CDH13: variants seen among roughly 807,000 people sequenced by gnomAD.
The protein encoded by CDH13 is cadherin-13.
A neutral mutation model predicts 63.8 loss-of-function variants in CDH13; 24 were observed. The ratio of observed to expected loss-of-function variants is 0.38; its 90% CI spans 0.27 to 0.53. The LOEUF (loss-of-function observed/expected upper bound fraction) is 0.53. Among genes scored for constraint, CDH13 ranks in the 20% least tolerant of loss-of-function variants. CDH13 has a pLI of 0.85. For missense variants in CDH13, 1,049 were observed against 903.1 expected (o/e 1.16, Z -2.07); for synonymous variants, 503 against 355.3 (o/e 1.42, Z -4.67).
chr16:82,940,944 G>A (rs368582236), intron 2 of CDH13, among the ~76,000 whole-genome samples: 1 of 152,184 alleles, frequency 6.6e-6, no homozygotes, highest in South Asian at 2.1e-4. Context: ...TTGAATCACT[G>A]TATGCTGTAG....
At chr16:82,660,998 T>C (rs8048610) in intron 1 of CDH13, among the ~76,000 whole-genome samples, 31,560 of 152,054 alleles carry the variant, frequency 0.21, 3,363 homozygotes, top group East Asian at 0.26. Context: ...ACCCACCACC[T>C]TCTCCCCTCC....
intron 2 of CDH13, among the ~76,000 whole-genome samples, chr16:83,015,986 A>T (rs986939632): frequency 1.3e-5 from 2 of 151,900 alleles, no homozygotes; most frequent in Admixed American, 1.3e-4. Flanking sequence ...CTTCTTAAGG[A>T]AATATGTGAG....
chr16:83,076,614 T>TTA (rs2032860784), intron 3 of CDH13, among the ~76,000 whole-genome samples: 1 of 151,882 alleles, frequency 6.6e-6, no homozygotes, highest in Admixed American at 6.6e-5. Flanking sequence ...TATACTTGCT[T>TTA]TATATATATA....
chr16:83,751,599 G>A lies in CDH13; in HGVS notation c.1681+3349G>A, dbSNP rs549824030. ...CCAAGCCAAGGTAGTGAAGTTAGTT[G>A]GGGAAAAGTCAGCCTGCAGTGGGTA... is the stretch of plus-strand genomic sequence containing the variant. On this transcript the variant is annotated intron_variant, in intron 11 of 13. Transcript: ENST00000567109. 1.6e-4 allele frequency among the ~76,000 whole-genome samples: 25 copies of A among 152,330 alleles called. No homozygotes were observed. In the East Asian group the frequency reaches 4.4e-3, roughly 27 times the overall value.
chr16:83,177,107 G>A (rs746374539), intron 4 of CDH13, among the ~76,000 whole-genome samples: 5 of 152,106 alleles, frequency 3.3e-5, no homozygotes, highest in East Asian at 3.9e-4. Flanking sequence ...TGGTGTGACC[G>A]AATAACTGGG....
chr16:83,283,345 A>G (rs1400751465), intron 5 of CDH13, among the ~76,000 whole-genome samples: 1 of 152,130 alleles, frequency 6.6e-6, no homozygotes, highest in Non-Finnish European at 1.5e-5. Context: ...AATCCTAGCA[A>G]TTTGGGTGGC....
chr16:83,729,843 C>G (rs140550188), intron 10 of CDH13, among the ~76,000 whole-genome samples: 1 of 152,208 alleles, frequency 6.6e-6, no homozygotes, highest in Non-Finnish European at 1.5e-5. Context: ...TCTCAGCCAG[C>G]AGCAGCAAAT....
rs115234754 is a variant in CDH13 at position 82,635,493 on chromosome 16, G to A, written c.45+8356G>A. Among the ~76,000 whole-genome samples, 940 of 152,346 alleles carry A rather than the reference G, an allele frequency of 6.2e-3. 10 individuals carry two copies. Among genetic ancestry groups the A allele is most frequent in the African/African-American group, 0.022 (908 of 41,568 alleles). On this transcript the variant is annotated intron_variant, in intron 1 of 13. Transcript: ENST00000567109. ...TGCCAGAGCCAATGGGGCCATGTCA[G>A]CCACTGCAAGAATATTGGTGTTTTT...
intron 1 of CDH13, among the ~76,000 whole-genome samples, chr16:82,811,996 G>A (rs549906915): frequency 1.5e-4 from 23 of 152,286 alleles, no homozygotes; most frequent in African/African-American, 5.3e-4. Context: ...GACATGAGTA[G>A]GTTCTACCTT....
chr16:82,870,214 T>C (rs553602077), intron 2 of CDH13, among the ~76,000 whole-genome samples: 2 of 152,206 alleles, frequency 1.3e-5, no homozygotes, highest in South Asian at 2.1e-4. Flanking sequence ...TATGAAAAAA[T>C]GTCCAACCTC....
chr16:83,575,527 T>C (rs1209402759), intron 7 of CDH13, among the ~76,000 whole-genome samples: 1 of 152,154 alleles, frequency 6.6e-6, no homozygotes, highest in Admixed American at 6.5e-5. Flanking sequence ...CACGTGTCCC[T>C]CTGTCTCGGC....
At chr16:82,719,534 C>T (rs569701047) in intron 1 of CDH13, 4 of 430,740 alleles carry the variant, frequency 9.3e-6, no homozygotes, top group Admixed American at 2.6e-5. Context: ...CCTTCCCCCT[C>T]TGTTTTAAGC....
chr16:83,157,738 T>TAAAAAAA (rs58336254), intron 4 of CDH13, among the ~76,000 whole-genome samples: 5 of 99,534 alleles, frequency 5.0e-5, no homozygotes, highest in South Asian at 3.2e-4. Context: ...ACTAGAAATA[T>TAAAAAAA]AAAAAAAAAA....
chr16:83,773,192 G>T (rs191360841), intron 11 of CDH13, among the ~76,000 whole-genome samples: 1 of 152,170 alleles, frequency 6.6e-6, no homozygotes, highest in Non-Finnish European at 1.5e-5. Flanking sequence ...TGCAAAACTA[G>T]CAACAGGTTG....
intron 3 of CDH13, among the ~76,000 whole-genome samples, chr16:83,096,521 A>T (rs2034201576): frequency 6.6e-6 from 1 of 152,224 alleles, no homozygotes; most frequent in South Asian, 2.1e-4. Context: ...GGCTATGACC[A>T]CATCTCCTGA....
chr16:82,692,320 G>A (rs954012545), intron 1 of CDH13, among the ~76,000 whole-genome samples: 5 of 152,176 alleles, frequency 3.3e-5, no homozygotes, highest in African/African-American at 4.8e-5. Flanking sequence ...AGACATACCC[G>A]AGGCTGGGAA....
chr16:83,413,440 C>T (rs537833431), intron 6 of CDH13, among the ~76,000 whole-genome samples: 2 of 152,300 alleles, frequency 1.3e-5, no homozygotes, highest in African/African-American at 4.8e-5. Context: ...GACTTTCATT[C>T]CTCACCAGGC....
At chr16:83,290,398 C>A (rs1567567962) in intron 5 of CDH13, among the ~76,000 whole-genome samples, 1 of 152,084 alleles carries the variant, frequency 6.6e-6, no homozygotes, top group African/African-American at 2.4e-5. Flanking sequence ...AGGTTTTTCC[C>A]ATGCTGTTCT....
rs558461885 is a variant in CDH13 at position 83,289,179 on chromosome 16, T to C, written c.637-55683T>C. Among the ~76,000 whole-genome samples the C allele has an allele frequency of 5.3e-5, 8 of 151,610 alleles. No individual in the cohort carries two copies. The East Asian group carries it at 5.8e-4, about 11-fold the overall frequency. ...CGAAGACCAGGAAGAATTCACTGTC[T>C]GCATATGAATGTGCGTGAACTTGGT... On this transcript the variant is annotated intron_variant, in intron 5 of 13. Transcript: ENST00000567109.
Sources: gnomAD v4.1 joint callset for allele counts (sites outside exome capture counted in the v4.1 genomes callset) on GRCh38, gnomAD v4.1.1 for gene constraint, MANE v1.5 for transcripts, NCBI Gene and HGNC (gene_info 2026-07-23, HGNC 2026-07-21) for gene names.